The following PLEKHA7 variants were observed in gnomAD, a reference collection of about 807,000 sequenced individuals.
The protein encoded by PLEKHA7 is pleckstrin homology domain-containing family A member 7.
In PLEKHA7, 104 loss-of-function variants were observed where a neutral mutation model predicts 170.0. The observed-to-expected ratio is 0.61, with a 90% CI of 0.52 to 0.72. The LOEUF is 0.72. PLEKHA7 is among the 30% of genes least tolerant of loss of function. The pLI, the probability that PLEKHA7 is intolerant of heterozygous loss-of-function variation, is 0.00. For synonymous variants in PLEKHA7, 648 were observed against 660.8 expected (o/e 0.98, Z 0.30); for missense variants, 1,615 against 1,671.7 (o/e 0.97, Z 0.59).
At chr11:16,782,222 T>G (rs1849084319) in intron 26 of PLEKHA7, among the ~76,000 whole-genome samples, 1 of 152,062 alleles carries the variant, frequency 6.6e-6, no homozygotes. Flanking sequence ...CCAATTGGAC[T>G]GCAAAGTCCC....
chr11:16,786,425 T>G (rs1453364874), intron 23 of PLEKHA7, 38 bp from the exon 24 acceptor site: 1 of 1,534,092 alleles, frequency 6.5e-7, no homozygotes, highest in Non-Finnish European at 8.7e-7. Flanking sequence ...AGTCGCTTCC[T>G]GATTGCTGAA....
rs1024572885 is a variant in PLEKHA7 at position 16,925,662 on chromosome 11, A to T, written c.222-54480T>A. Reference sequence around the variant, plus strand: ...ACCGGTCAGCGGCGCTGGGCTACGGAGCGCGCCGGGGCCTCAGCTCGCCCG... The same window carrying T: ...ACCGGTCAGCGGCGCTGGGCTACGGTGCGCGCCGGGGCCTCAGCTCGCCCG... On this transcript the variant is annotated intron_variant, in intron 3 of 26. Transcript: ENST00000531066. Among the ~76,000 whole-genome samples, 3 of 152,256 alleles carry T rather than the reference A, an allele frequency of 2.0e-5. No individual in the cohort carries two copies. The South Asian group carries it at 6.2e-4, about 32-fold the overall frequency.
At chr11:16,975,042 G>T in intron 3 of PLEKHA7, 1 of 705,010 alleles carries the variant, frequency 1.4e-6, no homozygotes, top group South Asian at 4.3e-5. Flanking sequence ...GGCGCGGAAA[G>T]AAGCCAGGTT....
intron 3 of PLEKHA7, among the ~76,000 whole-genome samples, chr11:16,986,666 G>A (rs1863743914): frequency 6.6e-6 from 1 of 152,182 alleles, no homozygotes; most frequent in Non-Finnish European, 1.5e-5. Context: ...AAACCTGGCT[G>A]GAGTCCCAGC....
At chr11:16,931,757 C>T (rs1179873889) in intron 3 of PLEKHA7, among the ~76,000 whole-genome samples, 2 of 2,990 alleles carry the variant, frequency 6.7e-4, no homozygotes, top group East Asian at 0.042. Flanking sequence ...AGATTCCATC[C>T]CCCCCCCCCC....
chr11:16,795,417 G>A (rs1848153269), intron 17 of PLEKHA7: 1 of 194,786 alleles, frequency 5.1e-6, no homozygotes, highest in Admixed American at 5.3e-5. Context: ...TAATGTTTCA[G>A]TTATACAGGA....
chr11:16,927,206 T>C (rs1859624168), intron 3 of PLEKHA7, among the ~76,000 whole-genome samples: 1 of 152,168 alleles, frequency 6.6e-6, no homozygotes, highest in Admixed American at 6.5e-5. Flanking sequence ...AAATGAGAGG[T>C]TGGATTAGGA....
At chr11:16,822,458 C>T (rs1028894661) in intron 10 of PLEKHA7, among the ~76,000 whole-genome samples, 1 of 148,822 alleles carries the variant, frequency 6.7e-6, no homozygotes, top group Non-Finnish European at 1.5e-5. Context: ...GGTGCCCAGC[C>T]TCCTTGAAAG....
chr11:16,791,005 G>A lies in PLEKHA7; in HGVS notation c.2934+6C>T, dbSNP rs367845529. 5.0e-5 allele frequency: 81 copies of A among 1,613,730 alleles called. 1 individual carries two copies. In the South Asian group the frequency reaches 7.7e-4, roughly 15 times the overall value. The stretch of plus-strand genomic sequence containing the variant: ...TAGAGTGGCAGCCCCAGGGTCCCCC[G>A]CTCACCCTGGAATCCCCATTCACAC... On this transcript the variant is annotated splice_donor_region_variant and intron_variant, in intron 20 of 26. Coordinates refer to ENST00000531066, the MANE Select transcript of PLEKHA7 (RefSeq NM_001329630.2). The surrounding 1 kb of genome is among the most constrained non-coding windows in gnomAD (Gnocchi z 4.5).
intron 3 of PLEKHA7, among the ~76,000 whole-genome samples, chr11:16,947,186 T>A (rs891671485): frequency 6.6e-5 from 10 of 152,178 alleles, no homozygotes; most frequent in African/African-American, 2.4e-4. Flanking sequence ...ATCAAAAAGA[T>A]GAAAGATAAG....
intron 3 of PLEKHA7, among the ~76,000 whole-genome samples, chr11:16,937,495 T>C (rs1860386224): frequency 6.6e-6 from 1 of 152,164 alleles, no homozygotes; most frequent in Admixed American, 6.5e-5. Flanking sequence ...AGGAGCCATA[T>C]AATGAGGAGT....
intron 3 of PLEKHA7, among the ~76,000 whole-genome samples, chr11:16,949,785 A>G (rs1353181211): frequency 6.6e-6 from 1 of 152,154 alleles, no homozygotes. Context: ...AGAAAGTAAC[A>G]AATGCTGTCA....
intron 3 of PLEKHA7, among the ~76,000 whole-genome samples, chr11:16,924,395 G>T (rs1263106025): frequency 6.6e-6 from 1 of 152,184 alleles, no homozygotes; most frequent in Non-Finnish European, 1.5e-5. Flanking sequence ...AGGTTTTCAG[G>T]CACCATGGCT....
intron 3 of PLEKHA7, among the ~76,000 whole-genome samples, chr11:16,912,252 T>C (rs943399324): frequency 6.6e-6 from 1 of 152,188 alleles, no homozygotes; most frequent in Non-Finnish European, 1.5e-5. Context: ...CCCAGACATA[T>C]TTTTTAAAAG....
In PLEKHA7 at chr11:16,854,924, C is replaced by A. The variant is rs1853303886; in HGVS notation, c.487G>T (p.Val163Phe). ...RDQAIRRNPN[V>F]PVVVRGWLHK... ...AGCCAGCCCCTCACCACCACGGGAA[C>A]ATTGGGGTTCCTCCGAATGGCCTGG... Residue 163 changes from valine to phenylalanine, a missense_variant, in exon 6 of 27, where the codon GTT becomes TTT. Coordinates refer to ENST00000531066, the MANE Select transcript of PLEKHA7 (RefSeq NM_001329630.2). The A allele has an allele frequency of 6.2e-7, 1 of 1,614,080 alleles. No individual in the cohort carries two copies. Among genetic ancestry groups the A allele is most frequent in the Non-Finnish European group, 8.5e-7 (1 of 1,179,972 alleles).
At chr11:16,997,340 GT>G (rs572670611) in intron 3 of PLEKHA7, among the ~76,000 whole-genome samples, 4 of 152,170 alleles carry the variant, frequency 2.6e-5, no homozygotes, top group Admixed American at 1.3e-4. Context: ...TTAGAGTGAG[GT>G]TTTCATGCTG....
intron 3 of PLEKHA7, among the ~76,000 whole-genome samples, chr11:16,916,647 A>T (rs932629472): frequency 4.6e-5 from 7 of 152,188 alleles, no homozygotes; most frequent in Non-Finnish European, 7.3e-5. Context: ...CTCCCCAATT[A>T]TGCAAGGCCC....
chr11:16,926,317 T>C (rs533534961), intron 3 of PLEKHA7, among the ~76,000 whole-genome samples: 4 of 152,266 alleles, frequency 2.6e-5, no homozygotes, highest in Non-Finnish European at 4.4e-5. Flanking sequence ...CTCAATGCCC[T>C]TGGCAATAAG....
At chr11:16,931,391 C>G (rs1232477905) in intron 3 of PLEKHA7, among the ~76,000 whole-genome samples, 1 of 152,112 alleles carries the variant, frequency 6.6e-6, no homozygotes, top group Non-Finnish European at 1.5e-5. Context: ...CCTTTACCTT[C>G]TAGCAAGAGT....
Sources: gnomAD v4.1 joint callset for allele counts (sites outside exome capture counted in the v4.1 genomes callset) on GRCh38, gnomAD v4.1.1 for gene constraint, Gnocchi (gnomAD v3.1) non-coding constraint, MANE v1.5 for transcripts, NCBI Gene and HGNC (gene_info 2026-07-23, HGNC 2026-07-21) for gene names.